The following CYP4X1 variants were observed in gnomAD, a reference collection of about 807,000 sequenced individuals.
CYP4X1 encodes the protein cytochrome P450 4X1.
Under a neutral mutation model 57.9 loss-of-function variants are expected in CYP4X1, and 44 were observed. That is an observed-to-expected ratio of 0.76 (90% CI 0.60 to 0.98). CYP4X1 has a LOEUF of 0.98. Among genes scored for constraint, CYP4X1 ranks in the 50% least tolerant of loss-of-function variants. CYP4X1 has a pLI of 0.00. For synonymous variants in CYP4X1, 227 were observed against 228.6 expected, an observed-to-expected ratio of 0.99 and a Z score of 0.06; for missense variants, 532 against 623.9, an observed-to-expected ratio of 0.85 and a Z score of 1.57.
At chr1:47,048,863 A>G (rs1211381781) in intron 10 of CYP4X1, among the ~76,000 whole-genome samples, 1 of 152,272 alleles carries the variant, frequency 6.6e-6, no homozygotes, top group African/African-American at 2.4e-5. Flanking sequence ...ATTACTTGTA[A>G]CAGGAAGCTG....
chr1:47,050,201 C>A lies in CYP4X1; in HGVS notation c.*27C>A. Reference sequence around the variant, plus strand: ...TCTCAGGGTACAATGATTAAACGTACTTTGTTTTTCGAAGTTAAATTTACA... The same window carrying A: ...TCTCAGGGTACAATGATTAAACGTAATTTGTTTTTCGAAGTTAAATTTACA... On this transcript the variant is annotated 3_prime_UTR_variant, in exon 12 of 12. Transcript: ENST00000371901. The A allele has an allele frequency of 1.2e-6, 2 of 1,611,246 alleles. No individual in the cohort carries two copies. The highest frequency in any genetic ancestry group is 1.7e-6 in the Non-Finnish European group (2 of 1,178,498).
At chr1:47,036,976 T>C (rs1644190453) in intron 6 of CYP4X1, among the ~76,000 whole-genome samples, 1 of 152,146 alleles carries the variant, frequency 6.6e-6, no homozygotes, top group Non-Finnish European at 1.5e-5. Context: ...TACATGCACA[T>C]AGATATTATA....
chr1:47,007,438 A>T, the CYP4X1 span, among the ~76,000 whole-genome samples: 1 of 152,212 alleles, frequency 6.6e-6, no homozygotes, highest in Non-Finnish European at 1.5e-5. Context: ...CGTCACCATG[A>T]TCAAAGACCA....
the CYP4X1 span, among the ~76,000 whole-genome samples, chr1:46,976,193 C>A: frequency 6.6e-6 from 1 of 152,124 alleles, no homozygotes; most frequent in Non-Finnish European, 1.5e-5. Context: ...CTTTTCCTAG[C>A]CAAGGGAAGC....
chr1:47,005,699 A>C, the CYP4X1 span, among the ~76,000 whole-genome samples: 1 of 152,252 alleles, frequency 6.6e-6, no homozygotes, highest in African/African-American at 2.4e-5. Flanking sequence ...TAACTTTACT[A>C]AAAAAGCTGG....
At position 47,050,366 on chromosome 1, in the gene CYP4X1, T is replaced by C. The variant is rs1000981784; in HGVS notation, c.*192T>C. On this transcript the variant is annotated 3_prime_UTR_variant, in exon 12 of 12. Transcript: ENST00000371901. ...AGCTAGATCTGTTTCTATATAACTT[T>C]GGGAGATTTTCAGATCTTTTCTGTT... 7.1e-6 allele frequency: 4 copies of C among 567,260 alleles called. No homozygotes were observed. Among genetic ancestry groups the C allele is most frequent in the African/African-American group, 1.9e-5 (1 of 53,128 alleles). 35.1% of individuals were successfully genotyped at this position (567,260 alleles called of 1,614,324 possible).
At chr1:47,017,314 G>A in the CYP4X1 span, among the ~76,000 whole-genome samples, 3 of 152,134 alleles carry the variant, frequency 2.0e-5, no homozygotes, top group Non-Finnish European at 4.4e-5. Flanking sequence ...TGGAATGAAT[G>A]ACAAATGAAA....
the CYP4X1 span, among the ~76,000 whole-genome samples, chr1:46,984,959 T>A: frequency 1.4e-5 from 2 of 142,782 alleles, no homozygotes; most frequent in Admixed American, 1.4e-4. Flanking sequence ...ATCCACTGAC[T>A]TGAAATTCTC....
intron 8 of CYP4X1, among the ~76,000 whole-genome samples, chr1:47,045,693 A>G (rs1644293465): frequency 6.6e-6 from 1 of 152,228 alleles, no homozygotes; most frequent in African/African-American, 2.4e-5. Flanking sequence ...AAGGGCTGGT[A>G]CTATTGTGAT....
chr1:47,008,086 C>T, the CYP4X1 span, among the ~76,000 whole-genome samples: 1 of 152,144 alleles, frequency 6.6e-6, no homozygotes, highest in African/African-American at 2.4e-5. Flanking sequence ...CACAAAGATA[C>T]TCCTCGAGAA....
the CYP4X1 span, among the ~76,000 whole-genome samples, chr1:46,985,146 C>T: frequency 2.0e-5 from 3 of 152,152 alleles, no homozygotes; most frequent in African/African-American, 4.8e-5. Context: ...TGTAGCCAGA[C>T]TGCCTCTCTA....
the CYP4X1 span, among the ~76,000 whole-genome samples, chr1:46,996,715 A>G: frequency 6.6e-6 from 1 of 152,222 alleles, no homozygotes; most frequent in Admixed American, 6.5e-5. Context: ...CTTCCACCAG[A>G]AACTCTTGGA....
downstream of CYP4X1, among the ~76,000 whole-genome samples, chr1:47,052,318 TAAG>T (rs955585357): frequency 7.2e-5 from 11 of 152,126 alleles, 1 homozygote; most frequent in Admixed American, 6.6e-4. Context: ...TTTTGTTAAA[TAAG>T]AAGACAGAAA....
chr1:47,054,205 G>A (rs1468386236), downstream of CYP4X1, among the ~76,000 whole-genome samples: 1 of 151,872 alleles, frequency 6.6e-6, no homozygotes, highest in African/African-American at 2.4e-5. Flanking sequence ...TTTTTGTCAG[G>A]TTTGTCAAAG....
the CYP4X1 span, among the ~76,000 whole-genome samples, chr1:47,014,906 T>C: frequency 6.6e-6 from 1 of 152,178 alleles, no homozygotes; most frequent in Non-Finnish European, 1.5e-5. Context: ...GCACAGGTCG[T>C]ATAGCCCACA....
At chr1:47,036,547 T>C (rs1196261547) in intron 6 of CYP4X1, among the ~76,000 whole-genome samples, 1 of 151,558 alleles carries the variant, frequency 6.6e-6, no homozygotes, top group Non-Finnish European at 1.5e-5. Flanking sequence ...TGGAACAGAG[T>C]AAACATGGAC....
chr1:46,975,132 T>C, the CYP4X1 span, among the ~76,000 whole-genome samples: 1 of 152,144 alleles, frequency 6.6e-6, no homozygotes, highest in African/African-American at 2.4e-5. Flanking sequence ...AGTCATCCTC[T>C]TATGCTCTCA....
chr1:47,009,015 A>C, the CYP4X1 span, among the ~76,000 whole-genome samples: 28 of 152,246 alleles, frequency 1.8e-4, no homozygotes, highest in Non-Finnish European at 3.1e-4. Flanking sequence ...TCAACGAAAC[A>C]GAAAGTTAAC....
the CYP4X1 span, among the ~76,000 whole-genome samples, chr1:47,010,568 A>C: frequency 2.6e-5 from 4 of 152,326 alleles, no homozygotes; most frequent in Non-Finnish European, 4.4e-5. Flanking sequence ...CAGGGCAATC[A>C]GGCAGGAGAA....
Sources: allele counts gnomAD v4.1 joint callset (sites outside exome capture counted in the v4.1 genomes callset), GRCh38; gene constraint gnomAD v4.1.1; transcripts MANE v1.5; gene names NCBI Gene and HGNC (gene_info 2026-07-23, HGNC 2026-07-21).